Variants in TENM3 observed in about 807,000 individuals in gnomAD.
TENM3 encodes teneurin transmembrane protein 3, also known as teneurin-3.
TENM3 carries 63 observed loss-of-function variants against 255.1 expected under a neutral mutation model. That is an observed-to-expected ratio of 0.25 (90% confidence interval 0.20 to 0.30). The LOEUF (loss-of-function observed/expected upper bound fraction) is 0.30, where lower values mean the gene tolerates loss of function less well. Among genes scored for constraint, TENM3 ranks in the 10% least tolerant of loss-of-function variants. TENM3 has a pLI of 1.00. For synonymous variants in TENM3, 1,306 were observed against 1,322.3 expected, an observed-to-expected ratio of 0.99 and a Z score of 0.27; for missense variants, 2,929 against 3,461.1, an observed-to-expected ratio of 0.85 and a Z score of 3.86.
the TENM3 span, among the ~76,000 whole-genome samples, chr4:182,069,042 A>T: frequency 1.3e-5 from 2 of 152,302 alleles, no homozygotes; most frequent in Middle Eastern, 3.4e-3. Flanking sequence ...AAAACACAAT[A>T]TTAGAAAATC....
At chr4:182,530,672 G>A (rs181924776) in intron 3 of TENM3, among the ~76,000 whole-genome samples, 6 of 152,078 alleles carry the variant, frequency 3.9e-5, no homozygotes, top group Non-Finnish European at 5.9e-5. Context: ...TAATGTCCCC[G>A]GGGGAAAAAT....
chr4:181,809,473 G>A, the TENM3 span, among the ~76,000 whole-genome samples: 5 of 152,088 alleles, frequency 3.3e-5, no homozygotes, highest in African/African-American at 4.8e-5. Context: ...TTTGTGGCTC[G>A]TTGGTTCGAT....
At position 182,161,817 on chromosome 4, in the gene TENM3, ATATATATACACATATATATGTG is replaced by A. The variant is rs1561153637; in HGVS notation, c.-76+17076_-76+17097del. Among the ~76,000 whole-genome samples, 92 of 29,104 alleles carry A rather than the reference ATATATATACACATATATATGTG, an allele frequency of 3.2e-3. 20 individuals carry two copies. The highest frequency in any genetic ancestry group is 7.6e-3 in the Admixed American group (16 of 2,118). 19.1% of individuals were successfully genotyped at this position (29,104 alleles called of 152,430 possible). On this transcript the variant is annotated intron_variant, in intron 1 of 2. Transcript: ENST00000512480. Reference sequence around the variant, plus strand: ...TGTATATATATACACATATATATGTATATATATACACATATATATGTGTATATATACACAAATATATATGTGT... The same window carrying A: ...TGTATATATATACACATATATATGTATATATATACACAAATATATATGTGT...
At chr4:182,083,340 G>A in the TENM3 span, among the ~76,000 whole-genome samples, 16 of 152,200 alleles carry the variant, frequency 1.1e-4, 1 homozygote, top group East Asian at 3.1e-3. Flanking sequence ...AATATTATTA[G>A]GCAGACATTT....
intron 3 of TENM3, among the ~76,000 whole-genome samples, chr4:182,444,466 T>TCTAAA (rs1449530153): frequency 3.9e-5 from 6 of 152,126 alleles, no homozygotes; most frequent in Admixed American, 3.9e-4. Flanking sequence ...TTTTTAAGAG[T>TCTAAA]CAGTCTAAAC....
At chr4:181,756,931 G>A in the TENM3 span, among the ~76,000 whole-genome samples, 1 of 152,252 alleles carries the variant, frequency 6.6e-6, no homozygotes, top group Non-Finnish European at 1.5e-5. Context: ...TAATATACAT[G>A]TGTGATTCAT....
intron 1 of TENM3, among the ~76,000 whole-genome samples, chr4:182,172,963 C>A (rs1450692492): frequency 1.3e-5 from 2 of 152,122 alleles, no homozygotes; most frequent in Admixed American, 6.6e-5. Context: ...TAAACATGAG[C>A]AGTTGACTTG....
At chr4:182,752,509 G>A (rs987264582) in intron 20 of TENM3, among the ~76,000 whole-genome samples, 2 of 101,154 alleles carry the variant, frequency 2.0e-5, no homozygotes, top group Non-Finnish European at 4.0e-5. Flanking sequence ...TTGCTGAGAG[G>A]AATTTTGGGA....
At chr4:181,772,683 G>T in the TENM3 span, among the ~76,000 whole-genome samples, 5 of 152,110 alleles carry the variant, frequency 3.3e-5, no homozygotes, top group African/African-American at 9.7e-5. Context: ...CACTTCTCAG[G>T]TACTAAGGTT....
chr4:181,707,672 C>T, the TENM3 span, among the ~76,000 whole-genome samples: 3 of 152,228 alleles, frequency 2.0e-5, no homozygotes, highest in Admixed American at 6.5e-5. Flanking sequence ...AAGAAATATC[C>T]GGTCAGATGA....
chr4:181,791,803 A>G, the TENM3 span, among the ~76,000 whole-genome samples: 42,319 of 152,142 alleles, frequency 0.28, 6,436 homozygotes, highest in South Asian at 0.41. Flanking sequence ...ATGAAGCTCA[A>G]ATCAGACAGA....
At chr4:182,325,437 A>G (rs1179849711) in intron 2 of TENM3, among the ~76,000 whole-genome samples, 6 of 152,226 alleles carry the variant, frequency 3.9e-5, no homozygotes, top group Non-Finnish European at 7.3e-5. Context: ...ACCCTAAAGC[A>G]TGCCTTACTA....
At chr4:182,505,338 G>C (rs1256435769) in intron 3 of TENM3, among the ~76,000 whole-genome samples, 1 of 151,932 alleles carries the variant, frequency 6.6e-6, no homozygotes, top group South Asian at 2.1e-4. Context: ...TCTTAAAACT[G>C]CCAGATAGCA....
chr4:181,974,714 G>T, the TENM3 span, among the ~76,000 whole-genome samples: 1 of 152,184 alleles, frequency 6.6e-6, no homozygotes, highest in African/African-American at 2.4e-5. Context: ...ACTCTAAGTG[G>T]AATACATTTA....
the TENM3 span, among the ~76,000 whole-genome samples, chr4:181,926,222 C>CTA: frequency 1.3e-5 from 2 of 152,154 alleles, no homozygotes; most frequent in African/African-American, 4.8e-5. Context: ...ATAAATGCAA[C>CTA]TATAGTATGT....
intron 3 of TENM3, among the ~76,000 whole-genome samples, chr4:182,551,740 G>A (rs1454119401): frequency 1.3e-5 from 2 of 151,994 alleles, no homozygotes; most frequent in Non-Finnish European, 1.5e-5. Context: ...AGTTAAATGG[G>A]CCATGCACAG....
At chr4:182,443,012 C>T (rs1276368607) in intron 3 of TENM3, among the ~76,000 whole-genome samples, 1 of 151,992 alleles carries the variant, frequency 6.6e-6, no homozygotes, top group East Asian at 1.9e-4. Context: ...CATGAGCCAC[C>T]GTGTCTGGCC....
At chr4:181,719,448 G>A in the TENM3 span, among the ~76,000 whole-genome samples, 2 of 152,086 alleles carry the variant, frequency 1.3e-5, no homozygotes, top group Non-Finnish European at 2.9e-5. Context: ...GAGATGGGAA[G>A]TCCGAGATCA....
At chr4:181,915,716 G>GGGAGA in the TENM3 span, among the ~76,000 whole-genome samples, 37 of 151,388 alleles carry the variant, frequency 2.4e-4, no homozygotes, top group Non-Finnish European at 5.0e-4. Flanking sequence ...AAAAGAGGAG[G>GGGAGA]GGAGAGGAGA....
Sources: gnomAD v4.1 joint callset for allele counts (sites outside exome capture counted in the v4.1 genomes callset) on GRCh38, gnomAD v4.1.1 for gene constraint, MANE v1.5 for transcripts, NCBI Gene and HGNC (gene_info 2026-07-23, HGNC 2026-07-21) for gene names.